The following DOCK9 variants were observed in gnomAD, a reference collection of about 807,000 sequenced individuals.
The protein encoded by DOCK9 is dedicator of cytokinesis protein 9.
A neutral mutation model predicts 263.3 loss-of-function variants in DOCK9; 89 were observed. The observed-to-expected ratio is 0.34, with a 90% CI of 0.28 to 0.40. The LOEUF (loss-of-function observed/expected upper bound fraction) is 0.40, where lower values mean the gene tolerates loss of function less well. DOCK9 is among the 10% of genes least tolerant of loss of function. DOCK9 has a pLI of 1.00. For missense variants in DOCK9, 2,140 were observed against 2,603.4 expected, an observed-to-expected ratio of 0.82 and a Z score of 3.87; for synonymous variants, 976 against 973.1, an observed-to-expected ratio of 1.00 and a Z score of -0.06.
rs2046169974 is a variant in DOCK9, at chr13:98,888,673, T to C, written c.1748A>G (p.Asn583Ser). Residue 583 changes from asparagine to serine, a missense_variant, in exon 16 of 53, where the codon AAT (asparagine) becomes AGT (serine). Physicochemically the swap from Asn to Ser is conservative, Grantham distance 46 (BLOSUM62 1). Around this residue, in one of 2 missense-constraint regions of DOCK9, gnomAD observed 1,521 missense variants for 1,741.7 expected, o/e 0.87. Coordinates refer to ENST00000682017, the MANE Select transcript of DOCK9 (RefSeq NM_001366683.2). ...KMAKLPVILG[N>S]LDITIDNVSS... Reference sequence around the variant, plus strand: ...AACATTATCAATTGTAATGTCTAGATTGCCTAAAATCACTGGGAGCTTAGC... The same window carrying C: ...AACATTATCAATTGTAATGTCTAGACTGCCTAAAATCACTGGGAGCTTAGC... The C allele has an allele frequency of 3.7e-6, 6 of 1,613,916 alleles. No individual in the cohort carries two copies. Among genetic ancestry groups the C allele is most frequent in the Non-Finnish European group, 5.1e-6 (6 of 1,179,844 alleles).
At chr13:98,956,387 A>G (rs2058066173) in intron 1 of DOCK9, among the ~76,000 whole-genome samples, 1 of 152,214 alleles carries the variant, frequency 6.6e-6, no homozygotes, top group Non-Finnish European at 1.5e-5. Flanking sequence ...ATAAAAATAC[A>G]TATTCAACTA....
intron 1 of DOCK9, among the ~76,000 whole-genome samples, chr13:99,013,540 G>T (rs1438268936): frequency 6.6e-6 from 1 of 152,202 alleles, no homozygotes; most frequent in African/African-American, 2.4e-5. Context: ...AACTATACAG[G>T]ATCTGGGGAA....
chr13:98,980,584 T>G (rs935040487), upstream of DOCK9, among the ~76,000 whole-genome samples: 1 of 152,260 alleles, frequency 6.6e-6, no homozygotes, highest in Non-Finnish European at 1.5e-5. Flanking sequence ...AGATGGCCTT[T>G]AGCCTTTAAG....
upstream of DOCK9, among the ~76,000 whole-genome samples, chr13:98,981,349 G>C (rs1877156702): frequency 6.6e-6 from 1 of 152,180 alleles, no homozygotes; most frequent in Non-Finnish European, 1.5e-5. Context: ...GAGCTACCAT[G>C]CCTGGCCCAA....
At chr13:98,988,159 G>A (rs767196409) in intron 1 of DOCK9, among the ~76,000 whole-genome samples, 23 of 152,200 alleles carry the variant, frequency 1.5e-4, no homozygotes, top group Non-Finnish European at 2.4e-4. Flanking sequence ...TAATGTCCAG[G>A]AAAGTAGCAA....
Position 99,038,288 on chromosome 13 carries a change from C to CCGCTT in DOCK9, c.129+47934_129+47935insAAGCG, listed in dbSNP as rs1888110933. 1.2e-4 allele frequency among the ~76,000 whole-genome samples: 10 copies of CCGCTT among 86,264 alleles called. 1 individual carries two copies. Among genetic ancestry groups the CCGCTT allele is most frequent in the East Asian group, 3.7e-4 (1 of 2,682 alleles). The allele number at this position is 86,264 out of a possible 152,430, so 56.6% of individuals were successfully genotyped here. On this transcript the variant is annotated intron_variant, in intron 1 of 32. Coordinates refer to the DOCK9 transcript ENST00000427887. ...GCTGAAAAACTGGCTTTATGCCCCCCTTTTTTTTTTTTTTTTTTTTTTTTT... is the reference window on the plus strand; with the variant it reads ...GCTGAAAAACTGGCTTTATGCCCCCCCGCTTTTTTTTTTTTTTTTTTTTTTTTTTT...
At chr13:98,975,186 C>T (rs1401700584) in intron 1 of DOCK9, among the ~76,000 whole-genome samples, 1 of 152,050 alleles carries the variant, frequency 6.6e-6, no homozygotes, top group Non-Finnish European at 1.5e-5. Flanking sequence ...CAAGACTGGC[C>T]TGACCAACAT....
intron 38 of DOCK9, among the ~76,000 whole-genome samples, chr13:98,839,419 A>G (rs1287638861): frequency 6.6e-6 from 1 of 152,258 alleles, no homozygotes; most frequent in Non-Finnish European, 1.5e-5. Flanking sequence ...CAGGTCGATG[A>G]TGACTGTTAA....
At chr13:98,887,143 ATTTTTTTTTTT>A (rs58434344) in intron 18 of DOCK9, among the ~76,000 whole-genome samples, 12,668 of 95,604 alleles carry the variant, frequency 0.13, 910 homozygotes, top group Middle Eastern at 0.32. Flanking sequence ...ATATATATAT[ATTTTTTTTTTT>A]TTTTTTTTTT....
At chr13:99,040,690 A>C (rs1433022023) in intron 1 of DOCK9, among the ~76,000 whole-genome samples, 2 of 152,156 alleles carry the variant, frequency 1.3e-5, no homozygotes, top group Non-Finnish European at 2.9e-5. Flanking sequence ...CACAGAGACA[A>C]GATCTGTCCC....
intron 1 of DOCK9, among the ~76,000 whole-genome samples, chr13:98,975,461 C>G (rs2060164577): frequency 7.9e-6 from 1 of 126,614 alleles, no homozygotes; most frequent in African/African-American, 2.8e-5. Context: ...ATAGTATATT[C>G]TCTAAACACA....
intron 1 of DOCK9, among the ~76,000 whole-genome samples, chr13:99,041,805 C>T (rs1281013805): frequency 1.3e-5 from 2 of 152,182 alleles, no homozygotes; most frequent in South Asian, 2.1e-4. Context: ...GAGACAGAAG[C>T]GGAGAAGACA....
At chr13:98,836,946 A>G (rs1445089416) in intron 39 of DOCK9, among the ~76,000 whole-genome samples, 2 of 152,102 alleles carry the variant, frequency 1.3e-5, no homozygotes, top group Non-Finnish European at 2.9e-5. Context: ...GTTCCTAAAA[A>G]CAGGAGAGTG....
At chr13:99,016,660 A>G (rs1381092740) in intron 1 of DOCK9, among the ~76,000 whole-genome samples, 4 of 152,246 alleles carry the variant, frequency 2.6e-5, no homozygotes, top group Admixed American at 6.5e-5. Flanking sequence ...AAGCTTGTCA[A>G]TGATATGATA....
At position 98,899,317 on chromosome 13, in the gene DOCK9, T is replaced by A. The variant is rs376530735; in HGVS notation, c.1504-1056A>T. 1.5e-3 allele frequency among the ~76,000 whole-genome samples: 233 copies of A among 152,296 alleles called. 8 individuals carry two copies. In the South Asian group the frequency reaches 0.046, roughly 30 times the overall value. ...GATGACAGAGCTGTCTGTCTCTAAG[T>A]CACACTGAATCCAGCTGTATGACTC... On this transcript the variant is annotated intron_variant, in intron 13 of 52. Coordinates refer to ENST00000682017, the MANE Select transcript of DOCK9 (RefSeq NM_001366683.2).
In DOCK9 at chr13:99,019,344, CACATAT is replaced by C. The variant is rs527666793; in HGVS notation, c.130-63799_130-63794del. Among the ~76,000 whole-genome samples the C allele has an allele frequency of 3.3e-3, 495 of 152,274 alleles. 1 individual carries two copies. Among genetic ancestry groups the C allele is most frequent in the Middle Eastern group, 0.01 (3 of 294 alleles). ...CTCAAATGTATATATAATCTATACA[CACATAT>C]AGTCTGTGACTACTGAATTGAATAC... On this transcript the variant is annotated intron_variant, in intron 1 of 32. Coordinates refer to the DOCK9 transcript ENST00000427887.
At chr13:98,979,863 A>G (rs1876722972), upstream of DOCK9, among the ~76,000 whole-genome samples, 3 of 152,240 alleles carry the variant, frequency 2.0e-5, 1 homozygote, top group South Asian at 6.2e-4. Flanking sequence ...CCACAAGCAC[A>G]AAACAGACTA....
chr13:98,867,896 A>C (rs2094078556), intron 29 of DOCK9, 32 bp downstream of exon 29: 2 of 1,576,350 alleles, frequency 1.3e-6, no homozygotes, highest in Non-Finnish European at 1.7e-6. Flanking sequence ...CTACATGGTG[A>C]CTTCTGTTAC....
At chr13:98,873,558 T>C (rs1461975276) in intron 27 of DOCK9, among the ~76,000 whole-genome samples, 11 of 152,232 alleles carry the variant, frequency 7.2e-5, no homozygotes, top group African/African-American at 2.4e-4. Context: ...GCCAATGCGA[T>C]AGCAGTGGTA....
Sources: gnomAD v4.1 joint callset for allele counts (sites outside exome capture counted in the v4.1 genomes callset) on GRCh38, gnomAD v4.1.1 for gene constraint, gnomAD v4.1.1 regional missense constraint, MANE v1.5 for transcripts, NCBI Gene and HGNC (gene_info 2026-07-23, HGNC 2026-07-21) for gene names.